OSBPL10: variants seen among roughly 807,000 people sequenced by gnomAD.
OSBPL10 encodes oxysterol binding protein like 10.
Under a neutral mutation model 81.7 loss-of-function variants are expected in OSBPL10, and 49 were observed. The observed-to-expected ratio is 0.60, with a 90% CI of 0.48 to 0.76. OSBPL10 has a LOEUF of 0.76. OSBPL10 is among the 30% of genes least tolerant of loss of function. The pLI, the probability that OSBPL10 is intolerant of heterozygous loss-of-function variation, is 0.00. For missense variants in OSBPL10, 923 were observed against 987.8 expected, an observed-to-expected ratio of 0.93 and a Z score of 0.88; for synonymous variants, 419 against 383.6, an observed-to-expected ratio of 1.09 and a Z score of -1.08.
chr3:31,887,078 AC>A (rs1022249984), intron 1 of OSBPL10, among the ~76,000 whole-genome samples: 1 of 151,974 alleles, frequency 6.6e-6, no homozygotes, highest in African/African-American at 2.4e-5. Context: ...CCCCACCCCC[AC>A]ATGGTTCCCA....
intron 3 of OSBPL10, among the ~76,000 whole-genome samples, chr3:31,875,728 T>A (rs1257555073): frequency 6.6e-6 from 1 of 152,152 alleles, no homozygotes. Context: ...ACAGGATGCA[T>A]GGAATACAGA....
intron 4 of OSBPL10, chr3:31,795,520 A>G: frequency 5.4e-6 from 1 of 186,068 alleles, no homozygotes; most frequent in Non-Finnish European, 1.2e-5. Context: ...TTACGTGTGC[A>G]GTGAATGTGG....
chr3:31,797,670 T>G, intron 4 of OSBPL10: 1 of 378,066 alleles, frequency 2.6e-6, no homozygotes. Flanking sequence ...TAAAAGAGGG[T>G]ACATTAAAAT....
At chr3:32,019,696 C>T (rs907330325) in intron 2 of OSBPL10, among the ~76,000 whole-genome samples, 4 of 152,156 alleles carry the variant, frequency 2.6e-5, no homozygotes, top group African/African-American at 9.7e-5. Flanking sequence ...AGATTCAACA[C>T]AATTTTTAAT....
At chr3:31,892,658 T>C (rs549756841) in intron 1 of OSBPL10, among the ~76,000 whole-genome samples, 55 of 152,290 alleles carry the variant, frequency 3.6e-4, no homozygotes, top group African/African-American at 1.2e-3. Flanking sequence ...AGCCTCCTCC[T>C]AGCAATGCTG....
At chr3:31,981,389 C>G (rs1227782968), upstream of OSBPL10, 1 of 822,028 alleles carries the variant, frequency 1.2e-6, no homozygotes, top group Non-Finnish European at 1.6e-6. This position sits in a 1 kb window ranked among gnomAD's most constrained non-coding sequence, Gnocchi z 4.5. Context: ...GCGGCCGCCC[C>G]TCCTCCCGCC....
At chr3:31,681,336 C>T (rs1047750389) in intron 8 of OSBPL10, among the ~76,000 whole-genome samples, 2 of 152,196 alleles carry the variant, frequency 1.3e-5, no homozygotes, top group African/African-American at 2.4e-5. Flanking sequence ...GGGGGAGCAG[C>T]GCTTTGGGGT....
chr3:31,967,155 GA>G (rs376018566), intron 1 of OSBPL10, among the ~76,000 whole-genome samples: 28 of 148,556 alleles, frequency 1.9e-4, no homozygotes, highest in Middle Eastern at 3.6e-3. Context: ...CCAAGGTCAG[GA>G]AAAAAAAAAT....
At chr3:31,989,979 C>A in intron 2 of OSBPL10, 1 of 1,614,032 alleles carries the variant, frequency 6.2e-7, no homozygotes, top group Non-Finnish European at 8.5e-7. Flanking sequence ...AACAATCAAA[C>A]CTTGCAAGTC....
chr3:31,860,857 GTTTT>G lies in OSBPL10; in HGVS notation c.537+15572_537+15575del, dbSNP rs68080421. Among the ~76,000 whole-genome samples, 7 of 108,236 alleles carry G rather than the reference GTTTT, an allele frequency of 6.5e-5. No individual in the cohort carries two copies. In the East Asian group the frequency reaches 1.1e-3, roughly 16 times the overall value. 71.0% of individuals were successfully genotyped at this position (108,236 alleles called of 152,430 possible). A position where few individuals can be genotyped will look rare whatever the true frequency, so the allele number is the denominator to read the frequency against. ...GCTAATTTTTGTGGGGTTTTTTGGG[GTTTT>G]TTTTTTTGGGTTTTTTTTTTTGTAT... On this transcript the variant is annotated intron_variant, in intron 3 of 11. Transcript: ENST00000396556.
intron 1 of OSBPL10, among the ~76,000 whole-genome samples, chr3:31,900,933 T>G (rs1025818480): frequency 3.3e-5 from 5 of 152,230 alleles, no homozygotes; most frequent in African/African-American, 1.2e-4. Context: ...CATTTCTAAT[T>G]TATTAAAGTG....
rs1699776184 is a variant in OSBPL10, at chr3:32,066,003, GAAAGAGAAAGAAAGAAAGAA to G, written n.185+11373_185+11392del. Among the ~76,000 whole-genome samples the G allele has an allele frequency of 3.3e-5, 2 of 61,488 alleles. 1 individual carries two copies. Among genetic ancestry groups the G allele is most frequent in the African/African-American group, 7.4e-5 (2 of 26,984 alleles). The allele number at this position is 61,488 out of a possible 152,430, so 40.3% of individuals were successfully genotyped here. On this transcript the variant is annotated intron_variant and non_coding_transcript_variant, in intron 1 of 3. Coordinates refer to the OSBPL10 transcript ENST00000479173. ...AGAAAGAAAGAAAGAAAGAAAGAAA[GAAAGAGAAAGAAAGAAAGAA>G]AGAGAGAGAGAGAGAAAGAGAAAGA...
chr3:31,662,426 G>A, intron 11 of OSBPL10: 1 of 1,111,676 alleles, frequency 9.0e-7, no homozygotes. Context: ...TGGGACAAGA[G>A]AAAAGGAGAG....
chr3:32,065,983 GAA>G lies in OSBPL10; in HGVS notation n.185+11411_185+11412del, dbSNP rs1252399465. On this transcript the variant is annotated intron_variant and non_coding_transcript_variant, in intron 1 of 3. Coordinates refer to the OSBPL10 transcript ENST00000479173. ...AGAAAGAAAGAAAGAAAGAAAGAAAGAAAGAAAGAAAGAAAGAAAGAAAGAGA... is the reference window on the plus strand; with the variant it reads ...AGAAAGAAAGAAAGAAAGAAAGAAAGAGAAAGAAAGAAAGAAAGAAAGAGA... 1.8e-3 allele frequency among the ~76,000 whole-genome samples: 118 copies of G among 64,902 alleles called. 39 individuals carry two copies. Among genetic ancestry groups the G allele is most frequent in the East Asian group, 0.012 (14 of 1,144 alleles). 42.6% of individuals were successfully genotyped at this position (64,902 alleles called of 152,430 possible). A position where few individuals can be genotyped will look rare whatever the true frequency, so the allele number is the denominator to read the frequency against.
Position 32,062,777 on chromosome 3 carries a change from A to G in OSBPL10, n.185+14619T>C, listed in dbSNP as rs941385935. On this transcript the variant is annotated intron_variant and non_coding_transcript_variant, in intron 1 of 3. Transcript: ENST00000479173. ...GACAAACAGGACAGTAGCATTTGTC[A>G]ATGTTCAAATCCTTAATCTCCTATT... Among the ~76,000 whole-genome samples the G allele has an allele frequency of 5.3e-5, 5 of 94,676 alleles. 2 individuals are homozygous for G. The South Asian group carries it at 2.0e-3, about 38-fold the overall frequency. 62.1% of individuals were successfully genotyped at this position (94,676 alleles called of 152,430 possible). A position where few individuals can be genotyped will look rare whatever the true frequency, so the allele number is the denominator to read the frequency against.
intron 5 of OSBPL10, among the ~76,000 whole-genome samples, chr3:31,740,857 T>TTTTATATATATA (rs1553620066): frequency 1.5e-5 from 2 of 136,390 alleles, no homozygotes; most frequent in Admixed American, 7.0e-5. Flanking sequence ...CTACTAGAAT[T>TTTTATATATATA]TATATATATA....
intron 2 of OSBPL10, among the ~76,000 whole-genome samples, chr3:32,014,535 C>A (rs894063569): frequency 1.3e-5 from 2 of 152,100 alleles, no homozygotes; most frequent in Non-Finnish European, 2.9e-5. Context: ...AAAACTGGCA[C>A]AAGACAGGGA....
intron 4 of OSBPL10, among the ~76,000 whole-genome samples, chr3:31,799,879 T>C (rs1699335122): frequency 6.6e-6 from 1 of 152,156 alleles, no homozygotes; most frequent in Admixed American, 6.5e-5. Flanking sequence ...CGGCTAATTT[T>C]TGTATTTTCA....
intron 3 of OSBPL10, among the ~76,000 whole-genome samples, chr3:31,859,195 C>T (rs565275521): frequency 2.0e-5 from 3 of 151,792 alleles, no homozygotes; most frequent in African/African-American, 7.3e-5. Context: ...TTACCTAATT[C>T]CCTACATTGT....
Sources: gnomAD v4.1 joint callset for allele counts (sites outside exome capture counted in the v4.1 genomes callset) on GRCh38, gnomAD v4.1.1 for gene constraint, Gnocchi (gnomAD v3.1) non-coding constraint, MANE v1.5 for transcripts, NCBI Gene and HGNC (gene_info 2026-07-23, HGNC 2026-07-21) for gene names.